The following GPATCH2 variants were observed in gnomAD, a reference collection of about 807,000 sequenced individuals.
The protein encoded by GPATCH2 is G patch domain-containing protein 2.
GPATCH2 carries 51 observed loss-of-function variants against 58.0 expected under a neutral mutation model. That is an observed-to-expected ratio of 0.88 (90% confidence interval 0.70 to 1.11). The LOEUF is 1.11. Among genes scored for constraint, GPATCH2 ranks in the 50% most tolerant of loss-of-function variants. The probability of loss-of-function intolerance (pLI) is 0.00; values close to 1 mark genes in which losing one functional copy is unlikely to be tolerated. For synonymous variants in GPATCH2, 222 were observed against 218.5 expected, an observed-to-expected ratio of 1.02 and a Z score of -0.14; for missense variants, 625 against 652.2, an observed-to-expected ratio of 0.96 and a Z score of 0.45.
At chr1:217,525,331 T>C (rs1026780071) in intron 5 of GPATCH2, among the ~76,000 whole-genome samples, 4 of 152,170 alleles carry the variant, frequency 2.6e-5, no homozygotes, top group African/African-American at 7.2e-5. Flanking sequence ...TAAGCCCTTA[T>C]TATTATCCTG....
chr1:217,489,813 G>A (rs533660876), intron 8 of GPATCH2, among the ~76,000 whole-genome samples: 6 of 152,354 alleles, frequency 3.9e-5, no homozygotes, highest in Admixed American at 1.3e-4. Context: ...AGTGAGTGGA[G>A]ATCGCACCAT....
At chr1:217,466,913 C>T (rs1660480116) in intron 8 of GPATCH2, among the ~76,000 whole-genome samples, 1 of 152,176 alleles carries the variant, frequency 6.6e-6, no homozygotes, top group Admixed American at 6.5e-5. Context: ...TGGCTCACGC[C>T]TGTAATCCCA....
chr1:217,590,268 C>T (rs182236128), intron 5 of GPATCH2, among the ~76,000 whole-genome samples: 2 of 152,064 alleles, frequency 1.3e-5, no homozygotes, highest in East Asian at 1.9e-4. Flanking sequence ...GTGATCCACC[C>T]GCCTCAGCCT....
At chr1:217,609,528 T>C (rs943511172) in intron 5 of GPATCH2, 6 of 983,198 alleles carry the variant, frequency 6.1e-6, no homozygotes, top group African/African-American at 5.3e-5. Flanking sequence ...AGCTATACTA[T>C]AAAATACAAT....
At position 217,473,762 on chromosome 1, in the gene GPATCH2, A is replaced by G. The variant is rs575718111; in HGVS notation, c.1277+17918T>C. Among the ~76,000 whole-genome samples, 5 of 152,326 alleles carry G rather than the reference A, an allele frequency of 3.3e-5. No individual in the cohort carries two copies. In the East Asian group the frequency reaches 7.7e-4, roughly 24 times the overall value. ...CAGGAAACATGTAACTCTAGGGACT[A>G]TGATGCAAAATCTCAGGAAAACACA... On this transcript the variant is annotated intron_variant, in intron 8 of 9. Transcript: ENST00000366935.
rs550578361 is a variant in GPATCH2 at position 217,476,677 on chromosome 1, T to C, written c.1277+15003A>G. Among the ~76,000 whole-genome samples the C allele has an allele frequency of 1.4e-4, 22 of 152,178 alleles. No homozygotes were observed. The South Asian group carries it at 3.9e-3, about 27-fold the overall frequency. Reference sequence around the variant, plus strand: ...CTGACGCCTGCCCACGGAGGAAACATTTAAACCAGCCCTAGCCAGAGGGGA... The same window carrying C: ...CTGACGCCTGCCCACGGAGGAAACACTTAAACCAGCCCTAGCCAGAGGGGA... On this transcript the variant is annotated intron_variant, in intron 8 of 9. Transcript: ENST00000366935.
intron 1 of GPATCH2, among the ~76,000 whole-genome samples, chr1:217,624,278 G>A (rs1040137961): frequency 6.6e-6 from 1 of 152,220 alleles, no homozygotes; most frequent in African/African-American, 2.4e-5. Context: ...AGCACTTTGG[G>A]AGGCTGAGGC....
chr1:217,489,113 T>C (rs1276318315), intron 8 of GPATCH2, among the ~76,000 whole-genome samples: 1 of 151,820 alleles, frequency 6.6e-6, no homozygotes, highest in East Asian at 1.9e-4. Flanking sequence ...TTTTTTTTTT[T>C]TGGTAGAGAT....
intron 5 of GPATCH2, among the ~76,000 whole-genome samples, chr1:217,571,753 C>A (rs1221898053): frequency 6.9e-6 from 1 of 145,656 alleles, no homozygotes; most frequent in Admixed American, 6.9e-5. Flanking sequence ...ATTAGCTGGG[C>A]ATGGTGGCAC....
chr1:217,596,390 C>T (rs187479445), intron 5 of GPATCH2, among the ~76,000 whole-genome samples: 1 of 152,258 alleles, frequency 6.6e-6, no homozygotes, highest in East Asian at 1.9e-4. Context: ...CACAGGGTAG[C>T]GTTAAAATCC....
chr1:217,608,427 A>G, intron 5 of GPATCH2: 1 of 984,970 alleles, frequency 1.0e-6, no homozygotes, highest in Non-Finnish European at 1.2e-6. Context: ...CCTTTTTACA[A>G]TTTAGAGAGG....
chr1:217,616,118 TAAC>T (rs1668874102), intron 2 of GPATCH2, among the ~76,000 whole-genome samples: 2 of 152,154 alleles, frequency 1.3e-5, no homozygotes, highest in Non-Finnish European at 2.9e-5. Context: ...TGTACAATAT[TAAC>T]AACAGGAGAA....
At chr1:217,453,809 G>C (rs1409946732) in intron 8 of GPATCH2, among the ~76,000 whole-genome samples, 1 of 152,160 alleles carries the variant, frequency 6.6e-6, no homozygotes, top group Non-Finnish European at 1.5e-5. Flanking sequence ...AAGACAAGAG[G>C]AACTTGTCTC....
At chr1:217,607,569 T>C (rs1316780267) in intron 5 of GPATCH2, among the ~76,000 whole-genome samples, 1 of 152,180 alleles carries the variant, frequency 6.6e-6, no homozygotes, top group Non-Finnish European at 1.5e-5. Context: ...ACAATATATA[T>C]TAAATGTCTC....
intron 5 of GPATCH2, among the ~76,000 whole-genome samples, chr1:217,574,159 G>A (rs1467988975): frequency 6.6e-6 from 1 of 152,180 alleles, no homozygotes; most frequent in Admixed American, 6.5e-5. Flanking sequence ...CTCAAATGCT[G>A]AGTAAATAGA....
At chr1:217,498,517 T>C in intron 6 of GPATCH2, 122 bp from the exon 7 acceptor site, 4 of 752,934 alleles carry the variant, frequency 5.3e-6, no homozygotes, top group Non-Finnish European at 9.5e-6. Flanking sequence ...ATATGCTTTA[T>C]TTTAATGGAT....
intron 6 of GPATCH2, among the ~76,000 whole-genome samples, chr1:217,507,306 T>C (rs1208161849): frequency 6.6e-6 from 1 of 152,206 alleles, no homozygotes. Flanking sequence ...GCTAACGGTA[T>C]TCCTCACTCA....
chr1:217,629,846 A>G (rs1669653263), intron 1 of GPATCH2, among the ~76,000 whole-genome samples: 2 of 152,240 alleles, frequency 1.3e-5, no homozygotes, highest in African/African-American at 4.8e-5. Context: ...AATTAACTAC[A>G]GGATGATCAG....
intron 9 of GPATCH2, among the ~76,000 whole-genome samples, chr1:217,433,374 ATATATATATATTTATTTATT>A (rs1247791646): frequency 1.6e-5 from 2 of 124,592 alleles, no homozygotes; most frequent in Non-Finnish European, 3.2e-5. Context: ...ATATATATAT[ATATATATATATTTATTTATT>A]TATTTATTTA....
Sources: allele counts gnomAD v4.1 joint callset (sites outside exome capture counted in the v4.1 genomes callset), GRCh38; gene constraint gnomAD v4.1.1; transcripts MANE v1.5; gene names NCBI Gene and HGNC (gene_info 2026-07-23, HGNC 2026-07-21).